Variants in TMEM132D observed in about 807,000 individuals in gnomAD.
TMEM132D encodes the protein transmembrane protein 132D.
TMEM132D carries 21 observed loss-of-function variants against 62.3 expected under a neutral mutation model. The observed-to-expected ratio is 0.34, with a 90% CI of 0.24 to 0.49. TMEM132D has a LOEUF of 0.49. Ranked by LOEUF, TMEM132D falls within the 20% of genes least tolerant of loss-of-function variation. The probability of loss-of-function intolerance (pLI) is 0.99; values close to 1 mark genes in which losing one functional copy is unlikely to be tolerated. For synonymous variants in TMEM132D, 621 were observed against 575.6 expected (o/e 1.08, Z -1.13); for missense variants, 1,346 against 1,402.8 (o/e 0.96, Z 0.65).
intron 4 of TMEM132D, among the ~76,000 whole-genome samples, chr12:129,233,348 C>T (rs1275047239): frequency 6.6e-6 from 1 of 152,032 alleles, no homozygotes; most frequent in Non-Finnish European, 1.5e-5. Flanking sequence ...GGTTTCTTTC[C>T]CTGAGTTATT....
intron 3 of TMEM132D, among the ~76,000 whole-genome samples, chr12:129,386,683 TACTAAC>T (rs1871113752): frequency 7.6e-6 from 1 of 131,190 alleles, no homozygotes; most frequent in South Asian, 2.4e-4. Context: ...CCAACACCAA[TACTAAC>T]ACTAATACCA....
chr12:129,815,615 A>C (rs988168398), intron 1 of TMEM132D, among the ~76,000 whole-genome samples: 1 of 152,218 alleles, frequency 6.6e-6, no homozygotes, highest in Non-Finnish European at 1.5e-5. Context: ...TGCACGTGCA[A>C]CAGATGTCAA....
At chr12:129,418,990 G>A (rs1872215296) in intron 3 of TMEM132D, among the ~76,000 whole-genome samples, 1 of 152,160 alleles carries the variant, frequency 6.6e-6, no homozygotes, top group African/African-American at 2.4e-5. Flanking sequence ...TGAGGATGCA[G>A]GGAAGGAACC....
At chr12:129,679,794 ACTCT>A (rs1424354762) in intron 2 of TMEM132D, among the ~76,000 whole-genome samples, 2 of 151,474 alleles carry the variant, frequency 1.3e-5, no homozygotes, top group African/African-American at 2.4e-5. Flanking sequence ...AATTCCACCC[ACTCT>A]AAGAAGTTGC....
At chr12:129,623,686 C>CACATATACAT (rs1879134765) in intron 2 of TMEM132D, among the ~76,000 whole-genome samples, 2 of 84,110 alleles carry the variant, frequency 2.4e-5, no homozygotes, top group Admixed American at 1.4e-4. Flanking sequence ...CATATATATA[C>CACATATACAT]ATATATACAT....
chr12:129,790,209 C>A (rs1037192367), intron 1 of TMEM132D, among the ~76,000 whole-genome samples: 1 of 152,182 alleles, frequency 6.6e-6, no homozygotes, highest in South Asian at 2.1e-4. Context: ...GGGATGCCCA[C>A]GACCCCTGAA....
At chr12:129,754,027 G>C (rs1870083809) in intron 1 of TMEM132D, among the ~76,000 whole-genome samples, 1 of 152,146 alleles carries the variant, frequency 6.6e-6, no homozygotes, top group Non-Finnish European at 1.5e-5. Flanking sequence ...TAAACACCAA[G>C]GTCCATCCAG....
rs578193116 is a variant in TMEM132D at position 129,721,490 on chromosome 12, G to A, written c.80-20792C>T. On this transcript the variant is annotated intron_variant, in intron 1 of 8. Coordinates refer to ENST00000422113, the MANE Select transcript of TMEM132D (RefSeq NM_133448.3). ...CGGGGAAGCTTCACCAATGCTAGAA[G>A]GTCCTTGAAACTAGCTCCCGGGGTC... 2.6e-5 allele frequency among the ~76,000 whole-genome samples: 4 copies of A among 152,294 alleles called. No individual in the cohort carries two copies. In the East Asian group the frequency reaches 5.8e-4, roughly 22 times the overall value.
chr12:129,780,116 G>C (rs1418903779), intron 1 of TMEM132D, among the ~76,000 whole-genome samples: 1 of 151,992 alleles, frequency 6.6e-6, no homozygotes, highest in African/African-American at 2.4e-5. Flanking sequence ...CCCGCAAAGG[G>C]GCATTCAGAT....
intron 1 of TMEM132D, among the ~76,000 whole-genome samples, chr12:129,810,225 AAAT>A (rs943200060): frequency 1.3e-5 from 2 of 152,224 alleles, no homozygotes; most frequent in African/African-American, 4.8e-5. Context: ...AACCCATAAA[AAAT>A]AAATGAGCAA....
intron 3 of TMEM132D, among the ~76,000 whole-genome samples, chr12:129,359,829 A>G (rs573714389): frequency 4.2e-4 from 64 of 152,276 alleles, no homozygotes; most frequent in African/African-American, 1.5e-3. Context: ...AATGGAAAAT[A>G]AATGAAAGGG....
chr12:129,471,775 C>T (rs893379837), intron 3 of TMEM132D, among the ~76,000 whole-genome samples: 35 of 152,158 alleles, frequency 2.3e-4, no homozygotes, highest in African/African-American at 8.0e-4. Context: ...CCAGTGAATA[C>T]ACAAATGATA....
intron 5 of TMEM132D, among the ~76,000 whole-genome samples, chr12:129,166,694 C>G (rs1168937925): frequency 2.9e-5 from 4 of 139,268 alleles, no homozygotes; most frequent in African/African-American, 1.1e-4. Flanking sequence ...CACATACACA[C>G]ACACACACAC....
intron 4 of TMEM132D, among the ~76,000 whole-genome samples, chr12:129,213,530 A>AAAAC (rs1879113348): frequency 2.4e-5 from 3 of 124,470 alleles, no homozygotes; most frequent in African/African-American, 8.6e-5. Context: ...CAAAACAAAA[A>AAAAC]AACCTAGAGA....
At chr12:129,491,115 C>T (rs1034645811) in intron 3 of TMEM132D, among the ~76,000 whole-genome samples, 4 of 152,138 alleles carry the variant, frequency 2.6e-5, no homozygotes, top group Non-Finnish European at 4.4e-5. Flanking sequence ...ACTGAATTTT[C>T]CCTTCTGGTA....
intron 5 of TMEM132D, among the ~76,000 whole-genome samples, chr12:129,086,223 T>TGTGTGC (rs765193257): frequency 3.2e-4 from 49 of 152,220 alleles, no homozygotes; most frequent in Non-Finnish European, 5.4e-4. Flanking sequence ...TGTGTGTGTG[T>TGTGTGC]GTGTGTGTTG....
At chr12:129,521,614 T>C (rs908147576) in intron 3 of TMEM132D, 19 of 152,192 alleles carry the variant, frequency 1.2e-4, no homozygotes, top group African/African-American at 4.3e-4. Flanking sequence ...TAAAATGCAG[T>C]CTAGAAACTG....
chr12:129,608,256 T>A (rs1038050454), intron 2 of TMEM132D, among the ~76,000 whole-genome samples: 4 of 152,170 alleles, frequency 2.6e-5, no homozygotes, highest in Non-Finnish European at 5.9e-5. Context: ...TTGCAAAGAC[T>A]ATCAAAATAC....
intron 3 of TMEM132D, among the ~76,000 whole-genome samples, chr12:129,342,634 A>G (rs971699414): frequency 6.6e-6 from 1 of 152,192 alleles, no homozygotes; most frequent in Admixed American, 6.5e-5. Context: ...CAGAGTGAAC[A>G]GGCAACCTAC....
Sources: allele counts gnomAD v4.1 joint callset (sites outside exome capture counted in the v4.1 genomes callset), GRCh38; gene constraint gnomAD v4.1.1; transcripts MANE v1.5; gene names NCBI Gene and HGNC (gene_info 2026-07-23, HGNC 2026-07-21).